Variants in ANXA1 observed in about 807,000 individuals in gnomAD.
ANXA1 encodes annexin A1.
ANXA1 carries 39 observed loss-of-function variants against 47.9 expected under a neutral mutation model. The ratio of observed to expected loss-of-function variants is 0.81; its 90% CI spans 0.63 to 1.06. ANXA1 has a LOEUF of 1.06. ANXA1 is among the 50% of genes least tolerant of loss of function. The pLI is 0.00. For missense variants in ANXA1, 446 were observed against 422.7 expected (o/e 1.06, Z -0.48); for synonymous variants, 146 against 142.5 (o/e 1.02, Z -0.17).
chr9:73,155,473 T>C (rs1279631382), intron 1 of ANXA1, among the ~76,000 whole-genome samples: 1 of 152,188 alleles, frequency 6.6e-6, no homozygotes, highest in Non-Finnish European at 1.5e-5. Flanking sequence ...AGGATAGAAT[T>C]TGGCCAATAT....
chr9:73,162,066 G>C (rs1405419178), intron 6 of ANXA1, among the ~76,000 whole-genome samples: 1 of 152,132 alleles, frequency 6.6e-6, no homozygotes, highest in African/African-American at 2.4e-5. Context: ...AGAGAGAAAA[G>C]GAGGTGCCAG....
intron 9 of ANXA1, chr9:73,165,464 A>G (rs1321183616): frequency 3.4e-6 from 1 of 297,612 alleles, no homozygotes; most frequent in Non-Finnish European, 6.2e-6. Context: ...TTACTCCCCT[A>G]AAAGATTTGG....
chr9:73,153,280 G>A (rs1474598398), intron 1 of ANXA1, among the ~76,000 whole-genome samples: 1 of 152,138 alleles, frequency 6.6e-6, no homozygotes, highest in African/African-American at 2.4e-5. Context: ...TATGACGTTA[G>A]CTCTCTCTAG....
At position 73,161,816 on chromosome 9, in the gene ANXA1, T is replaced by C. The variant is rs181678000; in HGVS notation, c.475+923T>C. On this transcript the variant is annotated intron_variant, in intron 6 of 12. Transcript: ENST00000257497. ...ATAAAACATAGTTTATAAAAATAAGTGTTTATATATTTTTCATATGGCCAA... is the reference window on the plus strand; with the variant it reads ...ATAAAACATAGTTTATAAAAATAAGCGTTTATATATTTTTCATATGGCCAA... 1.1e-4 allele frequency among the ~76,000 whole-genome samples: 16 copies of C among 152,288 alleles called. No homozygotes were observed. In the East Asian group the frequency reaches 2.9e-3, roughly 28 times the overall value.
chr9:73,157,587 G>A (rs963930650), intron 1 of ANXA1: 1 of 148,794 alleles, frequency 6.7e-6, no homozygotes, highest in Non-Finnish European at 1.5e-5. Flanking sequence ...CCAGGAGACG[G>A]AGGTTGCAGT....
chr9:73,154,792 C>G (rs930435231), intron 1 of ANXA1, among the ~76,000 whole-genome samples: 2 of 152,176 alleles, frequency 1.3e-5, no homozygotes, highest in Non-Finnish European at 2.9e-5. Context: ...TCCATTCTTG[C>G]CACTACTAGC....
chr9:73,162,888 C>T (rs759335183), intron 7 of ANXA1, 27 bp downstream of exon 7: 7 of 1,552,180 alleles, frequency 4.5e-6, no homozygotes, highest in Non-Finnish European at 6.2e-6. Flanking sequence ...TTAGGAAATG[C>T]CTCTTGTTTT....
At chr9:73,156,193 A>G (rs949196904) in intron 1 of ANXA1, among the ~76,000 whole-genome samples, 1 of 149,966 alleles carries the variant, frequency 6.7e-6, no homozygotes, top group African/African-American at 2.4e-5. Flanking sequence ...TAATAAAAAC[A>G]TGTTTTTATA....
chr9:73,159,698 C>A (rs1471435765), intron 4 of ANXA1: 12 of 266,132 alleles, frequency 4.5e-5, no homozygotes, highest in South Asian at 2.2e-4. Context: ...GAGATTGCTG[C>A]TGTCAATAAA....
chr9:73,154,286 G>T (rs771340947), intron 1 of ANXA1: 2 of 1,365,210 alleles, frequency 1.5e-6, no homozygotes, highest in South Asian at 2.3e-5. Flanking sequence ...CCTAAGGCTG[G>T]GGTGAAACCT....
rs563971978 is a variant in ANXA1 at position 73,158,562 on chromosome 9, G to A, written c.27G>A (p.Lys9=). 7 of 1,613,664 alleles carry A rather than the reference G, an allele frequency of 4.3e-6. No homozygotes were observed. In the Admixed American group the frequency reaches 8.3e-5, roughly 19 times the overall value. MAMVSEFL[K]QAWFIENEEQ... is the part of the protein sequence containing the mutation. ...TGGCAATGGTATCAGAATTCCTCAA[G>A]CAGGCCTGGTTTATTGAAAATGAAG... Residue 9 remains lysine, a synonymous_variant, in exon 2 of 13, where the codon AAG becomes AAA. Coordinates refer to ENST00000257497, the MANE Select transcript of ANXA1 (RefSeq NM_000700.3).
chr9:73,156,116 AAT>A (rs1294530036), intron 1 of ANXA1, among the ~76,000 whole-genome samples: 1 of 83,156 alleles, frequency 1.2e-5, no homozygotes, highest in African/African-American at 5.0e-5. Context: ...TAATAATAAT[AAT>A]AATAATAAAT....
intron 1 of ANXA1, among the ~76,000 whole-genome samples, chr9:73,153,257 G>T (rs1823998232): frequency 6.6e-6 from 1 of 152,164 alleles, no homozygotes; most frequent in Non-Finnish European, 1.5e-5. Flanking sequence ...GTCTGCAAAG[G>T]TTGATTTCTG....
At chr9:73,163,628 T>A in intron 8 of ANXA1, 96 bp downstream of exon 8, 3 of 1,270,790 alleles carry the variant, frequency 2.4e-6, no homozygotes, top group Non-Finnish European at 3.4e-6. Flanking sequence ...TAAGATCTTC[T>A]GAGAGACCAA....
At chr9:73,155,804 C>A (rs1305370971) in intron 1 of ANXA1, among the ~76,000 whole-genome samples, 1 of 152,078 alleles carries the variant, frequency 6.6e-6, no homozygotes, top group Non-Finnish European at 1.5e-5. Context: ...TTAGAAGATA[C>A]AAATCACAAA....
chr9:73,161,124 A>T (rs1343358411), intron 6 of ANXA1, among the ~76,000 whole-genome samples: 1 of 152,158 alleles, frequency 6.6e-6, no homozygotes, highest in Admixed American at 6.6e-5. Context: ...CTTGCGTTTT[A>T]ATAGAAAATG....
intron 8 of ANXA1, among the ~76,000 whole-genome samples, 165 bp downstream of exon 8, chr9:73,163,697 A>G (rs1259770660): frequency 6.6e-6 from 1 of 152,310 alleles, no homozygotes. Context: ...CCCACACACA[A>G]AAAAGTAGTC....
chr9:73,159,262 G>T (rs1588219217), intron 3 of ANXA1, 67 bp from the exon 4 acceptor site: 6 of 1,243,258 alleles, frequency 4.8e-6, no homozygotes, highest in South Asian at 1.2e-5. Context: ...TCTCAGTAAT[G>T]AATTATTTTA....
intron 6 of ANXA1, among the ~76,000 whole-genome samples, chr9:73,161,652 A>G (rs374094672): frequency 6.6e-6 from 1 of 152,134 alleles, no homozygotes; most frequent in South Asian, 2.1e-4. Flanking sequence ...TAGCTTTTGC[A>G]TATCATTTTC....
Sources: gnomAD v4.1 joint callset for allele counts (sites outside exome capture counted in the v4.1 genomes callset) on GRCh38, gnomAD v4.1.1 for gene constraint, MANE v1.5 for transcripts, NCBI Gene and HGNC (gene_info 2026-07-23, HGNC 2026-07-21) for gene names.